DMRTC2: variants seen among roughly 807,000 people sequenced by gnomAD.
DMRTC2 encodes DMRT like family C2, also known as doublesex- and mab-3-related transcription factor C2.
Under a neutral mutation model 39.9 loss-of-function variants are expected in DMRTC2, and 13 were observed. The observed-to-expected ratio is 0.33, with a 90% CI of 0.21 to 0.52. The LOEUF (loss-of-function observed/expected upper bound fraction) is 0.52. DMRTC2 is among the 20% of genes least tolerant of loss of function. The pLI is 0.96. For missense variants in DMRTC2, 431 were observed against 472.8 expected (o/e 0.91, Z 0.82); for synonymous variants, 189 against 185.2 (o/e 1.02, Z -0.17).
In DMRTC2 at chr19:41,851,907, A is replaced by T; in HGVS notation, c.*211A>T. ...GGTAGTGTGGGCATTTCCTTGGCTG[A>T]CAGTGGATATTCTTGTACCCTTCTT... On this transcript the variant is annotated 3_prime_UTR_variant, in exon 9 of 9. Transcript: ENST00000269945. 1 of 582,462 alleles carries T rather than the reference A, an allele frequency of 1.7e-6. No individual in the cohort carries two copies. 36.1% of individuals were successfully genotyped at this position (582,462 alleles called of 1,614,324 possible).
chr19:41,847,280 A>G, intron 1 of DMRTC2, 145 bp from the exon 2 acceptor site: 1 of 1,339,822 alleles, frequency 7.5e-7, no homozygotes, highest in Non-Finnish European at 9.5e-7. Flanking sequence ...TGGGGTAAAG[A>G]GGGGAGAAAG....
chr19:41,851,562 G>GC, intron 8 of DMRTC2, 22 bp from the exon 9 acceptor site: 1 of 1,604,244 alleles, frequency 6.2e-7, no homozygotes, highest in Non-Finnish European at 8.5e-7. Context: ...ACCTGATCCT[G>GC]CCCCTTCCTT....
Position 41,850,810 on chromosome 19 carries a change from G to A in DMRTC2, c.991+110G>A. 4.2e-6 allele frequency: 5 copies of A among 1,192,866 alleles called. No homozygotes were observed. The South Asian group carries it at 8.8e-5, about 21-fold the overall frequency. The allele number at this position is 1,192,866 out of a possible 1,614,324, so 73.9% of individuals were successfully genotyped here. ...GGGGTCGACAGGTTGAACGTCTTCA[G>A]GCCCAGGACCCCAAGCTCCTCAGCC... is the stretch of plus-strand genomic sequence containing the variant. On this transcript the variant is annotated intron_variant, in intron 8 of 8. Coordinates refer to ENST00000269945, the MANE Select transcript of DMRTC2 (RefSeq NM_001040283.3).
At chr19:41,847,327 A>T (rs1457045817) in intron 1 of DMRTC2, 98 bp from the exon 2 acceptor site, 2 of 1,453,658 alleles carry the variant, frequency 1.4e-6, no homozygotes, top group Admixed American at 2.5e-5. Flanking sequence ...GGGTCTAAAG[A>T]GGGGCAGGAT....
In DMRTC2 at chr19:41,851,950, GA is replaced by G. The variant is rs2073962867; in HGVS notation, c.*257del. On this transcript the variant is annotated 3_prime_UTR_variant, in exon 9 of 9. Coordinates refer to ENST00000269945, the MANE Select transcript of DMRTC2 (RefSeq NM_001040283.3). ...CCCTTCTTGGGTCCTGGGATCTCTT[GA>G]AATCCCCAATAAAGAGAGAGTTGTG... The G allele has an allele frequency of 2.0e-6, 1 of 505,418 alleles. No homozygotes were observed. Among genetic ancestry groups the G allele is most frequent in the South Asian group, 2.6e-5 (1 of 38,332 alleles). 31.3% of individuals were successfully genotyped at this position (505,418 alleles called of 1,614,324 possible). A position where few individuals can be genotyped will look rare whatever the true frequency, so the allele number is the denominator to read the frequency against.
chr19:41,845,679 T>C (rs1257236767), intron 1 of DMRTC2, among the ~76,000 whole-genome samples: 1 of 151,924 alleles, frequency 6.6e-6, no homozygotes, highest in Non-Finnish European at 1.5e-5. Context: ...ATACAAAAAT[T>C]AGACGGGCGT....
At chr19:41,850,838 G>A (rs1327767528) in intron 8 of DMRTC2, 138 bp downstream of exon 8, 2 of 877,652 alleles carry the variant, frequency 2.3e-6, no homozygotes, top group Non-Finnish European at 3.3e-6. Flanking sequence ...CCTCAGCCTG[G>A]CCCCTGGGAT....
intron 6 of DMRTC2, 81 bp downstream of exon 6, chr19:41,849,337 G>C (rs1250821597): frequency 6.5e-7 from 1 of 1,547,390 alleles, no homozygotes; most frequent in Non-Finnish European, 8.7e-7. Context: ...CAACCACAGT[G>C]GATAATGAAG....
rs782307584 is a variant in DMRTC2 at position 41,850,701 on chromosome 19, G to T, written c.991+1G>T. ...CTGCTTCACCCCTGTGGCCCACCAG[G>T]TGGGCCATGAAAGGAGAGGATGGAT... On this transcript the variant is annotated splice_donor_variant, in intron 8 of 8. Coordinates refer to ENST00000269945, the MANE Select transcript of DMRTC2 (RefSeq NM_001040283.3). LOFTEE classifies it high-confidence loss of function. The T allele has an allele frequency of 6.4e-7, 1 of 1,565,536 alleles. No individual in the cohort carries two copies. The highest frequency in any genetic ancestry group is 2.0e-5 in the Admixed American group (1 of 50,724).
Position 41,852,022 on chromosome 19 carries a change from C to G in DMRTC2, c.*326C>G. ...CTATAAACGTGTTTGCATGAGTTTA[C>G]ATCCCAGGATTCCATGATTCTGTAA... On this transcript the variant is annotated 3_prime_UTR_variant, in exon 9 of 9. Coordinates refer to ENST00000269945, the MANE Select transcript of DMRTC2 (RefSeq NM_001040283.3). 4.0e-6 allele frequency: 1 copy of G among 250,444 alleles called. No individual in the cohort carries two copies. Among genetic ancestry groups the G allele is most frequent in the African/African-American group, 2.2e-5 (1 of 44,864 alleles). The allele number at this position is 250,444 out of a possible 1,614,324, so 15.5% of individuals were successfully genotyped here.
At position 41,847,876 on chromosome 19, in the gene DMRTC2, TC is replaced by T; in HGVS notation, c.369del (p.Ser124LeufsTer6). 1 of 1,581,578 alleles carries T rather than the reference TC, an allele frequency of 6.3e-7. No homozygotes were observed. Among genetic ancestry groups the T allele is most frequent in the South Asian group, 1.1e-5 (1 of 87,106 alleles). ...HFRKGTTQPQ[V>X]PSGKENIAPQ... ...AGAAAGGGAACCACTCAGCCACAGG[TC>T]CCCTGTGAGTGTCTCTGACCAGCGA... On this transcript the variant is annotated frameshift_variant, in exon 3 of 9. Transcript: ENST00000269945. LOFTEE classifies it high-confidence loss of function.
intron 6 of DMRTC2, 70 bp from the exon 7 acceptor site, chr19:41,850,242 C>G (rs1555836992): frequency 8.0e-7 from 1 of 1,246,006 alleles, no homozygotes; most frequent in Non-Finnish European, 1.1e-6. Context: ...CAAAATCCTG[C>G]CCCTCTTTCA....
intron 8 of DMRTC2, 183 bp downstream of exon 8, chr19:41,850,883 C>A: frequency 1.8e-6 from 1 of 561,046 alleles, no homozygotes; most frequent in Non-Finnish European, 2.9e-6. Context: ...TCCTTTTTAT[C>A]AGTTTGGCAC....
At chr19:41,851,527 G>C in intron 8 of DMRTC2, 57 bp from the exon 9 acceptor site, 1 of 1,441,440 alleles carries the variant, frequency 6.9e-7, no homozygotes, top group Non-Finnish European at 9.7e-7. Context: ...AAAAGAGGGG[G>C]TTGCTAGAAG....
In DMRTC2 at chr19:41,849,248, G is replaced by C; in HGVS notation, c.747G>C (p.Gln249His). The C allele has an allele frequency of 6.2e-7, 1 of 1,613,942 alleles. No homozygotes were observed. Among genetic ancestry groups the C allele is most frequent in the Non-Finnish European group, 8.5e-7 (1 of 1,179,902 alleles). Residue 249 changes from glutamine to histidine, a missense_variant, in exon 6 of 9, where the codon CAG becomes CAC. By Grantham distance (24) the Gln-to-His change is conservative. Coordinates refer to ENST00000269945, the MANE Select transcript of DMRTC2 (RefSeq NM_001040283.3). ...GAGAGCCCCAAGGGCCCCCTAGCCA[G>C]CCCCGCACGTGAGTAGGGAGAGAAG... is the stretch of plus-strand genomic sequence containing the variant. ...LSGEPQGPPS[Q>H]PRTHSTLILQ...
intron 3 of DMRTC2, 94 bp downstream of exon 3, chr19:41,847,975 G>C (rs920240225): frequency 6.9e-7 from 1 of 1,447,914 alleles, no homozygotes; most frequent in East Asian, 2.5e-5. Context: ...ATTGGTGTAC[G>C]ACCTTGAACT....
intron 8 of DMRTC2, 63 bp downstream of exon 8, chr19:41,850,763 A>G (rs2073944524): frequency 2.0e-6 from 3 of 1,479,960 alleles, no homozygotes; most frequent in Non-Finnish European, 2.7e-6. Flanking sequence ...TGAAGTACAC[A>G]GGGACTAACC....
At chr19:41,851,157 G>A in intron 8 of DMRTC2, 1 of 200,956 alleles carries the variant, frequency 5.0e-6, no homozygotes, top group South Asian at 1.5e-4. Context: ...CTTGAAGAGT[G>A]AGAAACACCT....
chr19:41,848,345 C>CAA lies in DMRTC2; in HGVS notation c.371-96_371-95dup, dbSNP rs797033084. ...TGGGCGACACAGCAAGACTCCATCT[C>CAA]AAAAAAAAAAAATGAGCTAGATGGG... is the stretch of plus-strand genomic sequence containing the variant. On this transcript the variant is annotated intron_variant, in intron 3 of 8. Coordinates refer to ENST00000269945, the MANE Select transcript of DMRTC2 (RefSeq NM_001040283.3). 945 of 778,536 alleles carry CAA rather than the reference C, an allele frequency of 1.2e-3. 6 individuals carry two copies. The African/African-American group carries it at 0.012, about 10-fold the overall frequency. The allele number at this position is 778,536 out of a possible 1,614,324, so 48.2% of individuals were successfully genotyped here.
Sources: allele counts gnomAD v4.1 joint callset (sites outside exome capture counted in the v4.1 genomes callset), GRCh38; gene constraint gnomAD v4.1.1; transcripts MANE v1.5; gene names NCBI Gene and HGNC (gene_info 2026-07-23, HGNC 2026-07-21).